The following BCL2A1 variants were observed in gnomAD, a reference collection of about 807,000 sequenced individuals.
BCL2A1 encodes the protein bcl-2-related protein A1.
In BCL2A1, 10 loss-of-function variants were observed where a neutral mutation model predicts 14.4. The ratio of observed to expected loss-of-function variants is 0.69; its 90% CI spans 0.43 to 1.18. The LOEUF (loss-of-function observed/expected upper bound fraction) is 1.18. Ranked by LOEUF, BCL2A1 falls within the 50% of genes most tolerant of loss-of-function variation. The pLI is 0.00. For missense variants in BCL2A1, 158 were observed against 205.0 expected, an observed-to-expected ratio of 0.77 and a Z score of 1.40; for synonymous variants, 71 against 76.5, an observed-to-expected ratio of 0.93 and a Z score of 0.38.
intron 1 of BCL2A1, among the ~76,000 whole-genome samples, chr15:79,961,917 T>C (rs756645567): frequency 3.4e-4 from 51 of 152,166 alleles, no homozygotes; most frequent in Admixed American, 6.5e-4. Context: ...TCCATTATTT[T>C]AACAAATGAG....
chr15:79,966,866 G>T (rs1178114887), intron 1 of BCL2A1, among the ~76,000 whole-genome samples: 1 of 152,138 alleles, frequency 6.6e-6, no homozygotes, highest in Non-Finnish European at 1.5e-5. Flanking sequence ...TGACAAAAAG[G>T]AGAAAGAGAA....
At chr15:79,966,085 A>G (rs1242426307) in intron 1 of BCL2A1, among the ~76,000 whole-genome samples, 2 of 152,176 alleles carry the variant, frequency 1.3e-5, no homozygotes, top group Non-Finnish European at 2.9e-5. Context: ...AGAATTACCT[A>G]TCTAAACTTC....
rs1443001456 is a variant in BCL2A1 at position 79,971,028 on chromosome 15, C to T, written c.92G>A (p.Ser31Asn). 1.2e-6 allele frequency: 2 copies of T among 1,614,208 alleles called. No individual in the cohort carries two copies. The highest frequency in any genetic ancestry group is 3.3e-4 in the Middle Eastern group (2 of 6,062). ...LQIPQPGSGP[S>N]KTSRVLQNVA... ...ATTTTGTAGCACTCTGGACGTTTTG[C>T]TTGGACCTGATCCAGGTTGTGGTAT... The change falls in exon 1 of 2, where the codon AGC becomes AAC. Residue 31 changes from serine (S) to asparagine (N), a missense_variant. Transcript: ENST00000267953.
intron 1 of BCL2A1, among the ~76,000 whole-genome samples, chr15:79,966,314 A>G (rs2035541195): frequency 6.6e-6 from 1 of 152,182 alleles, no homozygotes; most frequent in South Asian, 2.1e-4. Flanking sequence ...TAATTTACCC[A>G]AGGTTATACC....
intron 1 of BCL2A1, chr15:79,967,581 A>G: frequency 6.5e-7 from 1 of 1,536,516 alleles, no homozygotes; most frequent in Non-Finnish European, 8.9e-7. Flanking sequence ...TAATTAAATT[A>G]TAGATTGTAT....
intron 1 of BCL2A1, among the ~76,000 whole-genome samples, chr15:79,967,382 A>G (rs867013259): frequency 3.3e-4 from 50 of 151,936 alleles, no homozygotes; most frequent in African/African-American, 1.1e-3. Context: ...AGGCCCTGCT[A>G]ATTTTGTATT....
At position 79,967,221 on chromosome 15, in the gene BCL2A1, CTTTT is replaced by C. The variant is rs766307327; in HGVS notation, c.420+3475_420+3478del. ...ACATCTATGCTGTGCTCACATACCG[CTTTT>C]TTTTTTTTTTTTTTTTGAGATGGAG... On this transcript the variant is annotated intron_variant, in intron 1 of 1. Coordinates refer to ENST00000267953, the MANE Select transcript of BCL2A1 (RefSeq NM_004049.4). 3.5e-5 allele frequency among the ~76,000 whole-genome samples: 4 copies of C among 115,044 alleles called. No homozygotes were observed. The Admixed American group carries it at 3.8e-4, about 11-fold the overall frequency. 75.5% of individuals were successfully genotyped at this position (115,044 alleles called of 152,430 possible).
intron 1 of BCL2A1, among the ~76,000 whole-genome samples, chr15:79,968,261 T>C (rs927633997): frequency 2.0e-5 from 3 of 152,234 alleles, no homozygotes; most frequent in Non-Finnish European, 4.4e-5. Context: ...TAGTAGAGTA[T>C]TTCTCTGCAG....
intron 1 of BCL2A1, among the ~76,000 whole-genome samples, chr15:79,966,555 C>G (rs1324810020): frequency 1.3e-5 from 2 of 152,186 alleles, no homozygotes; most frequent in African/African-American, 4.8e-5. Flanking sequence ...GAAGACCCAT[C>G]TGGTTCAAAA....
At chr15:79,962,921 A>G (rs1177697564) in intron 1 of BCL2A1, among the ~76,000 whole-genome samples, 1 of 152,056 alleles carries the variant, frequency 6.6e-6, no homozygotes, top group Non-Finnish European at 1.5e-5. Flanking sequence ...ATATACATCA[A>G]TGTCGAAAGG....
chr15:79,961,292 CCT>C (rs1046720580), intron 1 of BCL2A1, 118 bp from the exon 2 acceptor site: 19 of 936,986 alleles, frequency 2.0e-5, no homozygotes, highest in South Asian at 3.5e-5. Flanking sequence ...CCCTTCTACC[CCT>C]GTTAAGCAGC....
At position 79,967,495 on chromosome 15, in the gene BCL2A1, C is replaced by T. The variant is rs148148832; in HGVS notation, c.420+3205G>A. On this transcript the variant is annotated intron_variant, in intron 1 of 1. Coordinates refer to ENST00000267953, the MANE Select transcript of BCL2A1 (RefSeq NM_004049.4). The stretch of plus-strand genomic sequence containing the variant: ...CCTCCCAAAGCGCTGGGATTACAGG[C>T]ATGAGCCACTGCACCCGGCACATAC... 2,438 of 880,270 alleles carry T rather than the reference C, an allele frequency of 2.8e-3. 54 individuals carry two copies. The African/African-American group carries it at 0.037, about 13-fold the overall frequency. 54.5% of individuals were successfully genotyped at this position (880,270 alleles called of 1,614,324 possible). A position where few individuals can be genotyped will look rare whatever the true frequency, so the allele number is the denominator to read the frequency against.
At chr15:79,965,775 C>G (rs926197265) in intron 1 of BCL2A1, among the ~76,000 whole-genome samples, 6 of 152,206 alleles carry the variant, frequency 3.9e-5, no homozygotes, top group African/African-American at 1.4e-4. Context: ...TGCCCCAAAA[C>G]TTATTTAATC....
chr15:79,967,773 C>G, intron 1 of BCL2A1: 2 of 946,418 alleles, frequency 2.1e-6, no homozygotes, highest in Non-Finnish European at 3.3e-6. Context: ...TAACAGTTTT[C>G]CATGCCAGTT....
intron 1 of BCL2A1, among the ~76,000 whole-genome samples, chr15:79,967,879 C>T (rs2035557301): frequency 6.6e-6 from 1 of 151,866 alleles, no homozygotes; most frequent in African/African-American, 2.4e-5. Context: ...AATGACATTT[C>T]CAAGAGTATT....
At chr15:79,966,665 A>G (rs2035544462) in intron 1 of BCL2A1, among the ~76,000 whole-genome samples, 2 of 152,198 alleles carry the variant, frequency 1.3e-5, no homozygotes, top group African/African-American at 4.8e-5. Flanking sequence ...GAGGCAGCCA[A>G]ATGGCACTAG....
At chr15:79,968,060 G>T (rs1167651125) in intron 1 of BCL2A1, among the ~76,000 whole-genome samples, 1 of 152,128 alleles carries the variant, frequency 6.6e-6, no homozygotes, top group Non-Finnish European at 1.5e-5. Context: ...TACCACCCTT[G>T]AAAGATGAGG....
At chr15:79,961,713 C>A (rs1026892660) in intron 1 of BCL2A1, among the ~76,000 whole-genome samples, 1 of 152,040 alleles carries the variant, frequency 6.6e-6, no homozygotes, top group African/African-American at 2.4e-5. Context: ...ACAGTAAATC[C>A]AAATTAAACT....
At chr15:79,966,250 A>C (rs2035540491) in intron 1 of BCL2A1, among the ~76,000 whole-genome samples, 1 of 152,164 alleles carries the variant, frequency 6.6e-6, no homozygotes, top group South Asian at 2.1e-4. Context: ...ATCATATGTC[A>C]TGTCATATTA....
Sources: allele counts gnomAD v4.1 joint callset (sites outside exome capture counted in the v4.1 genomes callset), GRCh38; gene constraint gnomAD v4.1.1; transcripts MANE v1.5; gene names NCBI Gene and HGNC (gene_info 2026-07-23, HGNC 2026-07-21).